Variants in CNTNAP2 observed in about 807,000 individuals in gnomAD.
The protein encoded by CNTNAP2 is contactin-associated protein-like 2.
A neutral mutation model predicts 155.2 loss-of-function variants in CNTNAP2; 98 were observed. That is an observed-to-expected ratio of 0.63 (90% CI 0.54 to 0.75). The LOEUF is 0.75. Ranked by LOEUF, CNTNAP2 falls within the 30% of genes least tolerant of loss-of-function variation. CNTNAP2 has a pLI of 0.00. For missense variants in CNTNAP2, 1,727 were observed against 1,688.1 expected, an observed-to-expected ratio of 1.02 and a Z score of -0.40; for synonymous variants, 651 against 631.2, an observed-to-expected ratio of 1.03 and a Z score of -0.47.
intron 16 of CNTNAP2, among the ~76,000 whole-genome samples, chr7:148,134,893 T>A (rs2116633431): frequency 6.6e-6 from 1 of 152,316 alleles, no homozygotes; most frequent in East Asian, 1.9e-4. Context: ...TTTTGGTGTC[T>A]ATATTTCTAA....
chr7:147,283,924 C>T (rs1209213078), intron 8 of CNTNAP2, among the ~76,000 whole-genome samples: 2 of 151,636 alleles, frequency 1.3e-5, no homozygotes, highest in East Asian at 1.9e-4. Flanking sequence ...GATTCTATGA[C>T]GTTACCAGGA....
chr7:148,302,949 G>A (rs1228918448), intron 21 of CNTNAP2, among the ~76,000 whole-genome samples: 1 of 150,404 alleles, frequency 6.6e-6, no homozygotes, highest in Non-Finnish European at 1.5e-5. Flanking sequence ...TTCCTGAGTA[G>A]CTTGGATTAC....
intron 20 of CNTNAP2, among the ~76,000 whole-genome samples, chr7:148,262,112 A>G (rs11982930): frequency 0.22 from 33,674 of 152,026 alleles, 4,265 homozygotes; most frequent in African/African-American, 0.34. Flanking sequence ...AGAGTCAGGA[A>G]GGGCTTATTT....
chr7:146,426,185 C>CAAAAAAAAAAAAAAAAAA (rs57484419), intron 1 of CNTNAP2, among the ~76,000 whole-genome samples: 30 of 54,630 alleles, frequency 5.5e-4, no homozygotes, highest in African/African-American at 1.6e-3. Flanking sequence ...GACTTCGCCT[C>CAAAAAAAAAAAAAAAAAA]AAAAAAAAAA....
At chr7:146,128,012 T>C (rs1377253490) in intron 1 of CNTNAP2, among the ~76,000 whole-genome samples, 1 of 152,190 alleles carries the variant, frequency 6.6e-6, no homozygotes. Context: ...TCCTTACCTT[T>C]GCAACTTAGT....
At chr7:146,906,634 C>A (rs913703173) in intron 3 of CNTNAP2, among the ~76,000 whole-genome samples, 1 of 152,024 alleles carries the variant, frequency 6.6e-6, no homozygotes, top group Non-Finnish European at 1.5e-5. Context: ...AGGACATCCA[C>A]ACCGAAAACC....
chr7:146,912,556 A>G (rs918390555), intron 3 of CNTNAP2, among the ~76,000 whole-genome samples: 16 of 152,142 alleles, frequency 1.1e-4, no homozygotes, highest in Admixed American at 7.2e-4. Context: ...TTATATTGAA[A>G]TCATCAATTT....
chr7:147,669,678 A>C (rs1795754565), intron 13 of CNTNAP2, among the ~76,000 whole-genome samples: 1 of 152,124 alleles, frequency 6.6e-6, no homozygotes, highest in African/African-American at 2.4e-5. Flanking sequence ...TGCCCGGGCA[A>C]GCCCCAGCCT....
At chr7:146,990,667 C>T (rs945570187) in intron 3 of CNTNAP2, among the ~76,000 whole-genome samples, 14 of 151,998 alleles carry the variant, frequency 9.2e-5, no homozygotes, top group African/African-American at 3.1e-4. Context: ...AGAAACCATT[C>T]AATCAAAAGA....
intron 15 of CNTNAP2, chr7:148,014,292 A>AC (rs1231590286): frequency 2.7e-5 from 2 of 74,630 alleles, no homozygotes; most frequent in Non-Finnish European, 6.0e-5. Context: ...AAAAAAAAAA[A>AC]ACCACCTCTC....
intron 1 of CNTNAP2, among the ~76,000 whole-genome samples, chr7:146,246,555 G>C (rs1048823713): frequency 2.0e-5 from 3 of 150,850 alleles, no homozygotes; most frequent in African/African-American, 7.4e-5. Context: ...ATTAAGAAGG[G>C]GACAGACTTA....
At chr7:147,675,075 A>G (rs1287283156) in intron 13 of CNTNAP2, among the ~76,000 whole-genome samples, 1 of 152,082 alleles carries the variant, frequency 6.6e-6, no homozygotes, top group Admixed American at 6.6e-5. Context: ...ATATCAAGGT[A>G]TTCATAAGGC....
intron 13 of CNTNAP2, among the ~76,000 whole-genome samples, chr7:147,861,308 G>A (rs955713189): frequency 6.6e-6 from 1 of 152,180 alleles, no homozygotes; most frequent in African/African-American, 2.4e-5. Context: ...CACTGTGTAT[G>A]AATCATTATA....
chr7:146,189,532 T>C (rs1175868490), intron 1 of CNTNAP2, among the ~76,000 whole-genome samples: 1 of 152,152 alleles, frequency 6.6e-6, no homozygotes, highest in Non-Finnish European at 1.5e-5. Context: ...TGGGGCATCT[T>C]AGAGAAACAC....
intron 10 of CNTNAP2, among the ~76,000 whole-genome samples, chr7:147,444,203 A>G (rs1207009356): frequency 6.6e-6 from 1 of 152,226 alleles, no homozygotes; most frequent in Non-Finnish European, 1.5e-5. Flanking sequence ...GGTTAGGAAA[A>G]CATAGCAGTC....
At chr7:147,645,554 A>C (rs764307093) in intron 13 of CNTNAP2, among the ~76,000 whole-genome samples, 3 of 152,246 alleles carry the variant, frequency 2.0e-5, no homozygotes, top group Non-Finnish European at 4.4e-5. Context: ...TTTCATACTC[A>C]GACAACTAGC....
chr7:147,625,080 G>T (rs971552773), intron 12 of CNTNAP2, among the ~76,000 whole-genome samples: 7 of 152,124 alleles, frequency 4.6e-5, no homozygotes, highest in African/African-American at 1.7e-4. Flanking sequence ...ATGGACATAG[G>T]GTGGAAGGAT....
rs375088127 is a variant in CNTNAP2, at chr7:146,151,660, A to G, written c.97+34687A>G. On this transcript the variant is annotated intron_variant, in intron 1 of 23. Coordinates refer to ENST00000361727, the MANE Select transcript of CNTNAP2 (RefSeq NM_014141.6). The stretch of plus-strand genomic sequence containing the variant: ...GATATATATATATATATATATATAT[A>G]TATATATATATATATATATATGTAT... Among the ~76,000 whole-genome samples, 119 of 55,206 alleles carry G rather than the reference A, an allele frequency of 2.2e-3. 2 individuals are homozygous for G. The East Asian group carries it at 0.047, about 22-fold the overall frequency. The allele number at this position is 55,206 out of a possible 152,430, so 36.2% of individuals were successfully genotyped here. A position where few individuals can be genotyped will look rare whatever the true frequency, so the allele number is the denominator to read the frequency against.
chr7:147,091,679 C>G (rs1444526197), intron 4 of CNTNAP2, among the ~76,000 whole-genome samples: 1 of 151,432 alleles, frequency 6.6e-6, no homozygotes, highest in Admixed American at 6.6e-5. Context: ...GATCTCGGCT[C>G]ACTGCAAGCT....
Sources: allele counts gnomAD v4.1 joint callset (sites outside exome capture counted in the v4.1 genomes callset), GRCh38; gene constraint gnomAD v4.1.1; transcripts MANE v1.5; gene names NCBI Gene and HGNC (gene_info 2026-07-23, HGNC 2026-07-21).